NBAS: variants seen among roughly 807,000 people sequenced by gnomAD.
NBAS encodes NAG/BC035112 fusion.
A neutral mutation model predicts 302.5 loss-of-function variants in NBAS; 219 were observed. The ratio of observed to expected loss-of-function variants is 0.72; its 90% CI spans 0.65 to 0.81. The LOEUF is 0.81. NBAS is among the 30% of genes least tolerant of loss of function. The pLI is 0.00. For missense variants in NBAS, 2,932 were observed against 2,841.6 expected (o/e 1.03, Z -0.72); for synonymous variants, 1,118 against 1,021.6 (o/e 1.09, Z -1.80).
intron 47 of NBAS, among the ~76,000 whole-genome samples, chr2:15,225,860 A>C (rs1667130860): frequency 6.6e-6 from 1 of 152,196 alleles, no homozygotes; most frequent in Admixed American, 6.5e-5. Context: ...TTAAAGCTAG[A>C]TGAAGGCAAG....
At chr2:14,819,394 T>A in the NBAS span, among the ~76,000 whole-genome samples, 1 of 152,238 alleles carries the variant, frequency 6.6e-6, no homozygotes. Flanking sequence ...AATTCTAGGA[T>A]TTCCAGTTGA....
At chr2:15,080,123 C>T in the NBAS span, among the ~76,000 whole-genome samples, 4 of 152,246 alleles carry the variant, frequency 2.6e-5, no homozygotes, top group South Asian at 4.2e-4. Context: ...CCCATCATAC[C>T]ATGAACACCA....
At chr2:15,316,094 A>C (rs1489914009) in intron 38 of NBAS, among the ~76,000 whole-genome samples, 1 of 152,236 alleles carries the variant, frequency 6.6e-6, no homozygotes, top group African/African-American at 2.4e-5. Flanking sequence ...CGTTGCCATT[A>C]AACATAAAAA....
rs541903371 is a variant in NBAS, at chr2:15,275,631, G to A, written c.5577C>T (p.Asp1859=). Residue 1859 remains aspartate, a synonymous_variant, in exon 44 of 52, where the codon GAC becomes GAT. Coordinates refer to ENST00000281513, the MANE Select transcript of NBAS (RefSeq NM_015909.4). The part of the protein sequence containing the change: ...IWLQKLFWTG[D]PHLIKQVPGS... Reference sequence around the variant, plus strand: ...CTGGGACTTGTTTAATGAGATGAGGGTCTCCAGTCCAGAACAACTTCTGTA... The same window carrying A: ...CTGGGACTTGTTTAATGAGATGAGGATCTCCAGTCCAGAACAACTTCTGTA... 23 of 1,613,926 alleles carry A rather than the reference G, an allele frequency of 1.4e-5. No homozygotes were observed. The East Asian group carries it at 4.5e-4, about 31-fold the overall frequency.
chr2:15,491,552 C>G (rs969524404), intron 11 of NBAS, among the ~76,000 whole-genome samples: 1 of 151,948 alleles, frequency 6.6e-6, no homozygotes, highest in Non-Finnish European at 1.5e-5. Flanking sequence ...CTGGCTAACA[C>G]AGTGAAACCC....
chr2:15,064,064 T>C, the NBAS span, among the ~76,000 whole-genome samples: 1 of 152,200 alleles, frequency 6.6e-6, no homozygotes, highest in Non-Finnish European at 1.5e-5. Context: ...GTCTATAGTG[T>C]TGTGAAAGTT....
At chr2:14,793,909 A>G in the NBAS span, among the ~76,000 whole-genome samples, 1 of 152,142 alleles carries the variant, frequency 6.6e-6, no homozygotes, top group Non-Finnish European at 1.5e-5. Flanking sequence ...ATATTTTACG[A>G]GTACCGTGAA....
chr2:15,152,826 A>G, the NBAS span, among the ~76,000 whole-genome samples: 1 of 152,248 alleles, frequency 6.6e-6, no homozygotes, highest in African/African-American at 2.4e-5. Context: ...GCCAATCTGT[A>G]TACAGTTGAT....
At chr2:15,132,092 T>C in the NBAS span, among the ~76,000 whole-genome samples, 5 of 152,196 alleles carry the variant, frequency 3.3e-5, no homozygotes, top group Admixed American at 2.6e-4. Context: ...CCCAAATGAG[T>C]TGAAAACTTA....
the NBAS span, among the ~76,000 whole-genome samples, chr2:14,881,646 A>C: frequency 2.0e-4 from 31 of 152,326 alleles, no homozygotes; most frequent in Admixed American, 1.3e-3. Flanking sequence ...GGAATCTACT[A>C]GATTGGGGCT....
At chr2:14,788,070 T>G in the NBAS span, among the ~76,000 whole-genome samples, 1 of 152,216 alleles carries the variant, frequency 6.6e-6, no homozygotes, top group Non-Finnish European at 1.5e-5. Context: ...ATTTCATTCA[T>G]TTCATCTTCC....
the NBAS span, among the ~76,000 whole-genome samples, chr2:14,947,649 C>G: frequency 1.3e-5 from 2 of 152,034 alleles, no homozygotes; most frequent in African/African-American, 2.4e-5. Context: ...ATTGCTCTGG[C>G]TAGGGCTTCC....
intron 21 of NBAS, among the ~76,000 whole-genome samples, chr2:15,444,698 A>G (rs1366252367): frequency 6.6e-6 from 1 of 151,378 alleles, no homozygotes; most frequent in Non-Finnish European, 1.5e-5. Context: ...AAAAGAAACT[A>G]CCATCAGAGT....
the NBAS span, among the ~76,000 whole-genome samples, chr2:15,156,431 G>C: frequency 6.6e-6 from 1 of 152,180 alleles, no homozygotes; most frequent in Non-Finnish European, 1.5e-5. Context: ...AAGTACACGA[G>C]GCTAGGTATT....
the NBAS span, among the ~76,000 whole-genome samples, chr2:15,159,146 G>A: frequency 6.6e-6 from 1 of 152,282 alleles, no homozygotes; most frequent in South Asian, 2.1e-4. Flanking sequence ...AGGAATCTGG[G>A]CATGCCGGTA....
intron 45 of NBAS, among the ~76,000 whole-genome samples, chr2:15,235,848 G>T (rs565347722): frequency 3.0e-4 from 46 of 152,236 alleles, no homozygotes; most frequent in South Asian, 6.2e-4. Context: ...CTCTATTTCA[G>T]AAAAATCCCT....
chr2:15,246,784 A>G (rs1427126413), intron 44 of NBAS, among the ~76,000 whole-genome samples: 1 of 152,248 alleles, frequency 6.6e-6, no homozygotes, highest in Non-Finnish European at 1.5e-5. Context: ...CTGAGTGCAC[A>G]CCGTGCATCT....
the NBAS span, among the ~76,000 whole-genome samples, chr2:15,014,576 AC>A: frequency 2.0e-5 from 3 of 152,158 alleles, no homozygotes; most frequent in African/African-American, 7.2e-5. Flanking sequence ...ATTCCTCGAA[AC>A]AAATAAAAAT....
chr2:14,946,056 A>C, the NBAS span, among the ~76,000 whole-genome samples: 1 of 152,198 alleles, frequency 6.6e-6, no homozygotes, highest in Non-Finnish European at 1.5e-5. Flanking sequence ...TGGGTGACAG[A>C]GCAAGACTCA....
Sources: gnomAD v4.1 joint callset for allele counts (sites outside exome capture counted in the v4.1 genomes callset) on GRCh38, gnomAD v4.1.1 for gene constraint, MANE v1.5 for transcripts, NCBI Gene and HGNC (gene_info 2026-07-23, HGNC 2026-07-21) for gene names.